ZNF829: variants seen among roughly 807,000 people sequenced by gnomAD.
ZNF829 encodes the protein zinc finger protein 829.
In ZNF829, 25 loss-of-function variants were observed where a neutral mutation model predicts 35.2. The observed-to-expected ratio is 0.71, with a 90% CI of 0.52 to 0.99. ZNF829 has a LOEUF of 0.99. ZNF829 is among the 50% of genes least tolerant of loss of function. The pLI is 0.00. For missense variants in ZNF829, 417 were observed against 515.3 expected, an observed-to-expected ratio of 0.81 and a Z score of 1.85; for synonymous variants, 136 against 163.2, an observed-to-expected ratio of 0.83 and a Z score of 1.27.
chr19:36,915,711 C>A (rs2146255793), intron 1 of ZNF829: 2 of 727,306 alleles, frequency 2.7e-6, no homozygotes, highest in South Asian at 1.8e-5. Flanking sequence ...GATTCTCCTG[C>A]CTCAGCCTGC....
At chr19:36,915,290 C>T in intron 1 of ZNF829, 39 bp from the exon 2 acceptor site, 3 of 1,573,534 alleles carry the variant, frequency 1.9e-6, no homozygotes, top group Non-Finnish European at 2.6e-6. Flanking sequence ...GCATAGTTGA[C>T]AGGACCCCAT....
At position 36,891,737 on chromosome 19, in the gene ZNF829, A is replaced by G; in HGVS notation, c.1054T>C (p.Tyr352His). The G allele has an allele frequency of 6.2e-7, 1 of 1,614,160 alleles. No homozygotes were observed. The highest frequency in any genetic ancestry group is 2.2e-5 in the East Asian group (1 of 44,872). ...GCCTTTCTACATTCTTCACATTCAT[A>G]GAGCTTCTCACCAGCATGAATTCTG... ...HHRIHAGEKL[Y>H]ECEECRKAFI... Residue 352 changes from tyrosine (Y) to histidine (H), a missense_variant, in exon 6 of 6, where the codon TAT becomes CAT. Transcript: ENST00000391711.
chr19:36,896,948 C>T (rs1024607342), intron 5 of ZNF829, among the ~76,000 whole-genome samples: 7 of 151,964 alleles, frequency 4.6e-5, no homozygotes, highest in African/African-American at 1.7e-4. Flanking sequence ...ATCAGATAAC[C>T]TAGAGGAAAC....
At chr19:36,894,589 CA>C (rs2073094161) in intron 5 of ZNF829, among the ~76,000 whole-genome samples, 1 of 151,790 alleles carries the variant, frequency 6.6e-6, no homozygotes, top group South Asian at 2.1e-4. Flanking sequence ...AGAAATTCAG[CA>C]GATAGATATC....
chr19:36,907,698 G>T, intron 5 of ZNF829: 1 of 391,044 alleles, frequency 2.6e-6, no homozygotes, highest in African/African-American at 2.1e-5. Flanking sequence ...AAATCTAAAC[G>T]TAGCGTATCA....
chr19:36,899,815 T>C (rs1022597710), intron 5 of ZNF829, among the ~76,000 whole-genome samples: 3 of 151,462 alleles, frequency 2.0e-5, no homozygotes, highest in Non-Finnish European at 2.9e-5. Flanking sequence ...TGCTTAACTA[T>C]AGTAATTATT....
At chr19:36,895,630 T>C (rs1371679516) in intron 5 of ZNF829, among the ~76,000 whole-genome samples, 1 of 151,848 alleles carries the variant, frequency 6.6e-6, no homozygotes, top group African/African-American at 2.4e-5. Context: ...TCACTTTATA[T>C]ATAAAATCAT....
chr19:36,907,574 G>A (rs912977706), intron 5 of ZNF829: 3 of 180,324 alleles, frequency 1.7e-5, no homozygotes, highest in Admixed American at 6.3e-5. Flanking sequence ...AGAACAAACT[G>A]GTCAAAGATG....
intron 1 of ZNF829, 61 bp from the exon 2 acceptor site, chr19:36,915,312 G>T (rs2073306671): frequency 6.5e-7 from 1 of 1,527,130 alleles, no homozygotes; most frequent in Non-Finnish European, 8.8e-7. Context: ...CTCATACACA[G>T]AATGCCACAT....
chr19:36,892,784 T>TAA, intron 5 of ZNF829: 18 of 415,288 alleles, frequency 4.3e-5, no homozygotes, highest in South Asian at 2.0e-4. Flanking sequence ...AGATTCTAAT[T>TAA]AAAAAAAAAA....
At position 36,916,076 on chromosome 19, in the gene ZNF829, G is replaced by A; in HGVS notation, c.-150C>T. 2 of 748,220 alleles carry A rather than the reference G, an allele frequency of 2.7e-6. No homozygotes were observed. Among genetic ancestry groups the A allele is most frequent in the Non-Finnish European group, 4.2e-6 (2 of 478,736 alleles). 46.3% of individuals were successfully genotyped at this position (748,220 alleles called of 1,614,324 possible). ...CGAATTCCTGCGAGAAAAGTGGCAG[G>A]CCACCAGGCCCTCTGGGAAATGTAG... On this transcript the variant is annotated 5_prime_UTR_variant, in exon 1 of 6. Transcript: ENST00000391711. This position sits in a 1 kb window ranked among gnomAD's most constrained non-coding sequence, Gnocchi z 5.3.
rs940064058 is a variant in ZNF829 at position 36,902,568 on chromosome 19, C to T, written c.319+5361G>A. Among the ~76,000 whole-genome samples, 8 of 152,032 alleles carry T rather than the reference C, an allele frequency of 5.3e-5. No individual in the cohort carries two copies. The South Asian group carries it at 6.2e-4, about 12-fold the overall frequency. On this transcript the variant is annotated intron_variant, in intron 5 of 5. Transcript: ENST00000391711. ...GAGGGTCACTTAAGCCTGGGAGAGG[C>T]GGGTGTGGTGGAGGTTGTAGTGAGC...
chr19:36,903,711 G>A (rs557416245), intron 5 of ZNF829, among the ~76,000 whole-genome samples: 1 of 151,846 alleles, frequency 6.6e-6, no homozygotes, highest in Non-Finnish European at 1.5e-5. Flanking sequence ...GCCAACATGG[G>A]GAAACCTCGT....
At chr19:36,895,182 A>T (rs1568367947) in intron 5 of ZNF829, among the ~76,000 whole-genome samples, 1 of 150,324 alleles carries the variant, frequency 6.7e-6, no homozygotes, top group African/African-American at 2.4e-5. Context: ...TCAAAGTGCT[A>T]AAAAAACACT....
At chr19:36,910,690 C>G (rs1328199376) in intron 3 of ZNF829, among the ~76,000 whole-genome samples, 3 of 152,108 alleles carry the variant, frequency 2.0e-5, no homozygotes, top group Non-Finnish European at 4.4e-5. Context: ...TTTTGCTGTT[C>G]CTTAGTTGTA....
intron 5 of ZNF829, among the ~76,000 whole-genome samples, chr19:36,899,405 A>T (rs950899711): frequency 6.6e-6 from 1 of 152,096 alleles, no homozygotes; most frequent in Non-Finnish European, 1.5e-5. Flanking sequence ...TGATCAGGCC[A>T]CTGCACTCCA....
intron 4 of ZNF829, 128 bp from the exon 5 acceptor site, chr19:36,908,152 C>A: frequency 8.5e-7 from 1 of 1,172,566 alleles, no homozygotes; most frequent in Non-Finnish European, 1.2e-6. Flanking sequence ...GAAGATGAAG[C>A]TTCAGCCACA....
chr19:36,896,317 AAAG>A lies in ZNF829; in HGVS notation c.320-3849_320-3847del, dbSNP rs373243790. On this transcript the variant is annotated intron_variant, in intron 5 of 5. Transcript: ENST00000391711. ...CAGAGCAAGACTGTCAAAAAAAAAA[AAAG>A]AAAGAAAAAAAAATTAGCTGGGCGT... Among the ~76,000 whole-genome samples the A allele has an allele frequency of 5.9e-3, 894 of 151,588 alleles. 21 individuals carry two copies. The highest frequency in any genetic ancestry group is 0.049 in the East Asian group (252 of 5,136).
intron 5 of ZNF829, among the ~76,000 whole-genome samples, chr19:36,904,349 C>T (rs898082969): frequency 2.6e-5 from 4 of 152,272 alleles, no homozygotes; most frequent in African/African-American, 9.6e-5. Flanking sequence ...ATGAGAGGGA[C>T]TGGGGCAGTC....
Sources: gnomAD v4.1 joint callset for allele counts (sites outside exome capture counted in the v4.1 genomes callset) on GRCh38, gnomAD v4.1.1 for gene constraint, Gnocchi (gnomAD v3.1) non-coding constraint, MANE v1.5 for transcripts, NCBI Gene and HGNC (gene_info 2026-07-23, HGNC 2026-07-21) for gene names.